The following TTF1 variants were observed in gnomAD, a reference collection of about 807,000 sequenced individuals.
TTF1 encodes transcription termination factor 1.
TTF1 carries 64 observed loss-of-function variants against 80.2 expected under a neutral mutation model. The observed-to-expected ratio is 0.80, with a 90% CI of 0.65 to 0.98. The LOEUF (loss-of-function observed/expected upper bound fraction) is 0.98. TTF1 is among the 50% of genes least tolerant of loss of function. TTF1 has a pLI of 0.00. For missense variants in TTF1, 1,023 were observed against 1,086.2 expected (o/e 0.94, Z 0.82); for synonymous variants, 372 against 382.7 (o/e 0.97, Z 0.33).
chr9:132,399,320 G>C (rs1239230621), intron 3 of TTF1, among the ~76,000 whole-genome samples: 1 of 151,776 alleles, frequency 6.6e-6, no homozygotes, highest in African/African-American at 2.4e-5. Context: ...CGTGGGTAGT[G>C]CTGTCTTTTT....
intron 9 of TTF1, among the ~76,000 whole-genome samples, chr9:132,381,890 T>C (rs1849376943): frequency 1.3e-5 from 2 of 152,178 alleles, no homozygotes; most frequent in South Asian, 2.1e-4. Context: ...TCTTTCCTAA[T>C]GGACCAATGG....
chr9:132,395,646 C>T (rs929025323), intron 5 of TTF1, among the ~76,000 whole-genome samples: 1 of 152,120 alleles, frequency 6.6e-6, no homozygotes, highest in Non-Finnish European at 1.5e-5. Flanking sequence ...AAAAGGAAAC[C>T]GAGGTCATAT....
At chr9:132,388,440 G>A (rs532462783) in intron 7 of TTF1, among the ~76,000 whole-genome samples, 70 of 151,922 alleles carry the variant, frequency 4.6e-4, no homozygotes, top group African/African-American at 1.6e-3. Context: ...GGGTTCAAGC[G>A]ATTCTCCTGC....
chr9:132,403,297 G>A (rs1351756004), intron 1 of TTF1, among the ~76,000 whole-genome samples: 1 of 152,104 alleles, frequency 6.6e-6, no homozygotes, highest in Non-Finnish European at 1.5e-5. Context: ...AATTCTCTCT[G>A]TCTGGTCCCA....
chr9:132,377,423 TGCATGTGGTGTGAGTGC>T, intron 10 of TTF1, among the ~76,000 whole-genome samples: 1 of 98,808 alleles, frequency 1.0e-5, no homozygotes, highest in Non-Finnish European at 2.1e-5. Flanking sequence ...TGTGAGTGCA[TGCATGTGGTGTGAGTGC>T]ATGCATGTGG....
At chr9:132,405,410 G>T (rs1849848804) in intron 1 of TTF1, among the ~76,000 whole-genome samples, 1 of 152,140 alleles carries the variant, frequency 6.6e-6, no homozygotes, top group Non-Finnish European at 1.5e-5. Flanking sequence ...GTTTCGCCAT[G>T]TTGGCCAGGC....
chr9:132,404,122 T>C (rs1401572322), intron 1 of TTF1, among the ~76,000 whole-genome samples: 2 of 152,234 alleles, frequency 1.3e-5, no homozygotes, highest in East Asian at 3.8e-4. Flanking sequence ...ATTTACGTCG[T>C]ACAAAAATAA....
intron 4 of TTF1, among the ~76,000 whole-genome samples, chr9:132,397,838 T>C (rs1449495292): frequency 6.6e-6 from 1 of 151,946 alleles, no homozygotes; most frequent in Non-Finnish European, 1.5e-5. Context: ...TACAAAAAAT[T>C]AGCTGGGCGT....
chr9:132,387,648 A>G (rs757322706), intron 8 of TTF1, among the ~76,000 whole-genome samples: 12 of 152,094 alleles, frequency 7.9e-5, no homozygotes, highest in Non-Finnish European at 1.5e-4. Flanking sequence ...CACACGCATC[A>G]CGAAACGGGC....
Position 132,401,446 on chromosome 9 carries a change from C to T in TTF1, c.1367+9G>A. The T allele has an allele frequency of 6.3e-7, 1 of 1,593,776 alleles. No homozygotes were observed. Among genetic ancestry groups the T allele is most frequent in the Non-Finnish European group, 8.6e-7 (1 of 1,169,164 alleles). ...TATACCAGCAGCTGGAATACCACTC[C>T]CTCGTTACCTTGGCGCCTCTTGCAC... On this transcript the variant is annotated intron_variant, in intron 2 of 10. Coordinates refer to ENST00000334270, the MANE Select transcript of TTF1 (RefSeq NM_007344.4).
chr9:132,401,284 C>T (rs1364291778), intron 2 of TTF1, among the ~76,000 whole-genome samples, 171 bp downstream of exon 2: 2 of 151,992 alleles, frequency 1.3e-5, no homozygotes, highest in Admixed American at 6.6e-5. Flanking sequence ...CGAGATTGCA[C>T]CATTGCACTC....
In TTF1 at chr9:132,388,241, G is replaced by A. The variant is rs1849505158; in HGVS notation, c.2223-13C>T. 2.6e-6 allele frequency: 4 copies of A among 1,567,010 alleles called. No individual in the cohort carries two copies. The South Asian group carries it at 4.5e-5, about 18-fold the overall frequency. On this transcript the variant is annotated splice_polypyrimidine_tract_variant and intron_variant, in intron 7 of 10. Transcript: ENST00000334270. Reference sequence around the variant, plus strand: ...TAGAATTTCTGTCCTACATTAAAAGGAAGAAAAACATAGTTTACTTTCAAG... The same window carrying A: ...TAGAATTTCTGTCCTACATTAAAAGAAAGAAAAACATAGTTTACTTTCAAG...
At position 132,388,190 on chromosome 9, in the gene TTF1, C is replaced by T. The variant is rs1209895135; in HGVS notation, c.2261G>A (p.Arg754His). ...ILTKRMTNGR[R>H]IYYGMNALRA... The stretch of plus-strand genomic sequence containing the variant: ...CAGGGCATTCATGCCATAGTAGATA[C>T]GCCGACCATTAGTCATCCTCTTGGT... Residue 754 changes from arginine to histidine, a missense_variant, in exon 8 of 11, where the codon CGT (arginine) becomes CAT (histidine). Arg to His is a conservative substitution (Grantham distance 29). Transcript: ENST00000334270. 14 of 1,611,492 alleles carry T rather than the reference C, an allele frequency of 8.7e-6. No individual in the cohort carries two copies. The highest frequency in any genetic ancestry group is 3.3e-5 in the South Asian group (3 of 90,926).
At chr9:132,380,053 A>G (rs577625794) in intron 9 of TTF1, among the ~76,000 whole-genome samples, 3 of 151,876 alleles carry the variant, frequency 2.0e-5, no homozygotes, top group Non-Finnish European at 2.9e-5. Context: ...GTACCAGACA[A>G]TGTCTCTTTC....
intron 4 of TTF1, among the ~76,000 whole-genome samples, chr9:132,397,212 G>A (rs1043561310): frequency 6.6e-6 from 1 of 152,166 alleles, no homozygotes; most frequent in African/African-American, 2.4e-5. Flanking sequence ...AGAACACTGC[G>A]GTGGAGAATA....
intron 5 of TTF1, among the ~76,000 whole-genome samples, chr9:132,393,277 C>CT (rs55845213): frequency 4.0e-5 from 6 of 151,796 alleles, no homozygotes; most frequent in Admixed American, 1.3e-4. Context: ...AAGCCCCCCC[C>CT]GCAAACTGGC....
At chr9:132,406,527 A>G (rs550854297) in intron 1 of TTF1, among the ~76,000 whole-genome samples, 10 of 151,348 alleles carry the variant, frequency 6.6e-5, no homozygotes, top group African/African-American at 2.4e-4. Flanking sequence ...GCTTGAACCC[A>G]GGAAGCGGAG....
chr9:132,399,617 G>T lies in TTF1; in HGVS notation c.1591+418C>A, dbSNP rs548725463. On this transcript the variant is annotated intron_variant, in intron 3 of 10. Coordinates refer to ENST00000334270, the MANE Select transcript of TTF1 (RefSeq NM_007344.4). ...AGAAACACAGTGAAATCAAGAAGGTGATCAAGTCTACCACAACTGGCTCAC... is the reference window on the plus strand; with the variant it reads ...AGAAACACAGTGAAATCAAGAAGGTTATCAAGTCTACCACAACTGGCTCAC... Among the ~76,000 whole-genome samples the T allele has an allele frequency of 4.6e-5, 7 of 152,276 alleles. No homozygotes were observed. The South Asian group carries it at 1.2e-3, about 27-fold the overall frequency.
In TTF1 at chr9:132,386,771, C is replaced by T. The variant is rs1849475644; in HGVS notation, c.2313-150G>A. The T allele has an allele frequency of 5.2e-5, 33 of 637,938 alleles. No individual in the cohort carries two copies. The South Asian group carries it at 6.6e-4, about 13-fold the overall frequency. 39.5% of individuals were successfully genotyped at this position (637,938 alleles called of 1,614,324 possible). The stretch of plus-strand genomic sequence containing the variant: ...ACACATGCACAGTGAGCTCAGCATC[C>T]CAGCCCAAGGTTAATCCAGGTCAGT... On this transcript the variant is annotated intron_variant, in intron 8 of 10. Transcript: ENST00000334270.
Sources: gnomAD v4.1 joint callset for allele counts (sites outside exome capture counted in the v4.1 genomes callset) on GRCh38, gnomAD v4.1.1 for gene constraint, MANE v1.5 for transcripts, NCBI Gene and HGNC (gene_info 2026-07-23, HGNC 2026-07-21) for gene names.